Variants in PTPN12 observed in about 807,000 individuals in gnomAD.
The protein encoded by PTPN12 is tyrosine-protein phosphatase non-receptor type 12.
Under a neutral mutation model 97.6 loss-of-function variants are expected in PTPN12, and 29 were observed. The ratio of observed to expected loss-of-function variants is 0.30; its 90% CI spans 0.22 to 0.41. The LOEUF is 0.41. Among genes scored for constraint, PTPN12 ranks in the 10% least tolerant of loss-of-function variants. PTPN12 has a pLI of 1.00. For synonymous variants in PTPN12, 327 were observed against 300.4 expected, an observed-to-expected ratio of 1.09 and a Z score of -0.91; for missense variants, 819 against 926.0, an observed-to-expected ratio of 0.88 and a Z score of 1.50.
intron 7 of PTPN12, among the ~76,000 whole-genome samples, chr7:77,598,251 G>C (rs915023198): frequency 6.6e-6 from 1 of 151,708 alleles, no homozygotes; most frequent in Admixed American, 6.6e-5. Context: ...AGAAGACATA[G>C]AGAGGGAGGG....
At chr7:77,600,554 C>T (rs1788158585) in intron 7 of PTPN12, 110 bp from the exon 8 acceptor site, 5 of 853,490 alleles carry the variant, frequency 5.9e-6, no homozygotes, top group Non-Finnish European at 8.8e-6. Flanking sequence ...TTTTTAAAAG[C>T]AGTGCTAAAT....
At chr7:77,618,686 G>C (rs1186222071) in intron 12 of PTPN12, 121 bp downstream of exon 12, 1 of 699,248 alleles carries the variant, frequency 1.4e-6, no homozygotes, top group Admixed American at 3.1e-5. Flanking sequence ...TATTTTGTTA[G>C]GATGTAACAT....
chr7:77,551,918 C>A (rs1025836632), intron 1 of PTPN12, among the ~76,000 whole-genome samples: 1 of 152,102 alleles, frequency 6.6e-6, no homozygotes, highest in Non-Finnish European at 1.5e-5. Flanking sequence ...TACATATTTT[C>A]CATGAACTTT....
At chr7:77,565,026 G>A (rs1808201763) in intron 1 of PTPN12, among the ~76,000 whole-genome samples, 1 of 152,028 alleles carries the variant, frequency 6.6e-6, no homozygotes, top group African/African-American at 2.4e-5. Context: ...AAAGTGCTGG[G>A]ATTAGAGGCA....
chr7:77,549,037 T>A (rs767433291), intron 1 of PTPN12, among the ~76,000 whole-genome samples: 7 of 152,356 alleles, frequency 4.6e-5, no homozygotes, highest in Non-Finnish European at 1.0e-4. Context: ...CATTCACTTT[T>A]ATCTCAAATT....
chr7:77,563,370 C>T (rs758388851), intron 1 of PTPN12, among the ~76,000 whole-genome samples: 41 of 152,234 alleles, frequency 2.7e-4, no homozygotes, highest in Admixed American at 2.0e-3. Flanking sequence ...TCAGGGAATT[C>T]GTGTTCTATC....
chr7:77,575,614 C>T (rs1326662942), intron 2 of PTPN12, among the ~76,000 whole-genome samples: 2 of 152,184 alleles, frequency 1.3e-5, no homozygotes, highest in Non-Finnish European at 2.9e-5. Flanking sequence ...GTATAATTTA[C>T]ATACCCATGA....
At chr7:77,591,450 T>C (rs1203256582) in intron 5 of PTPN12, among the ~76,000 whole-genome samples, 2 of 152,236 alleles carry the variant, frequency 1.3e-5, no homozygotes, top group East Asian at 1.9e-4. Flanking sequence ...GTGCTTGATA[T>C]TAGAAACTGA....
chr7:77,620,589 TAAC>T (rs1041884385), intron 12 of PTPN12, among the ~76,000 whole-genome samples: 2 of 152,246 alleles, frequency 1.3e-5, no homozygotes, highest in Non-Finnish European at 2.9e-5. Flanking sequence ...ATAAGATTGA[TAAC>T]AAGTAAAATA....
At chr7:77,585,642 A>G (rs17381568) in intron 5 of PTPN12, 61 bp downstream of exon 5, 33,620 of 1,422,766 alleles carry the variant, frequency 0.024, 513 homozygotes, top group Middle Eastern at 0.062. Flanking sequence ...TTAGTCTTTT[A>G]TTATTATAGT....
intron 1 of PTPN12, among the ~76,000 whole-genome samples, chr7:77,543,608 C>T (rs1807086031): frequency 6.6e-6 from 1 of 152,040 alleles, no homozygotes; most frequent in Non-Finnish European, 1.5e-5. Context: ...TGAAGTTATG[C>T]AACAATAACC....
intron 12 of PTPN12, among the ~76,000 whole-genome samples, chr7:77,625,723 C>G (rs1180530653): frequency 1.3e-5 from 2 of 151,274 alleles, no homozygotes; most frequent in Non-Finnish European, 2.9e-5. Flanking sequence ...GTGTGTGCCA[C>G]CACACCTGGC....
At chr7:77,602,613 TATC>T (rs1288529903) in intron 8 of PTPN12, among the ~76,000 whole-genome samples, 2 of 151,076 alleles carry the variant, frequency 1.3e-5, no homozygotes, top group Non-Finnish European at 2.9e-5. Context: ...TAGTAGACCC[TATC>T]TTTTAAAAAA....
At chr7:77,607,160 AAC>A in intron 8 of PTPN12, 73 bp from the exon 9 acceptor site, 1 of 1,174,946 alleles carries the variant, frequency 8.5e-7, no homozygotes, top group Non-Finnish European at 1.2e-6. Flanking sequence ...TCTGAATATT[AAC>A]ATGTCTATCC....
At chr7:77,576,184 C>T (rs751431988) in intron 2 of PTPN12, among the ~76,000 whole-genome samples, 6 of 152,054 alleles carry the variant, frequency 3.9e-5, no homozygotes, top group Admixed American at 2.0e-4. Context: ...GATTCATTCA[C>T]GATGTAGCAT....
chr7:77,601,003 G>A (rs971497077), intron 8 of PTPN12, 197 bp downstream of exon 8: 1 of 515,416 alleles, frequency 1.9e-6, no homozygotes, highest in Non-Finnish European at 3.4e-6. Context: ...TAAAACACAG[G>A]ATCATCTATT....
At chr7:77,574,368 A>C (rs1305767862) in intron 2 of PTPN12, among the ~76,000 whole-genome samples, 3 of 152,166 alleles carry the variant, frequency 2.0e-5, no homozygotes, top group Admixed American at 6.5e-5. Flanking sequence ...TCACAGCAAA[A>C]CTCTGAGGTA....
intron 16 of PTPN12, among the ~76,000 whole-genome samples, chr7:77,638,013 A>T (rs1435905976): frequency 3.6e-5 from 4 of 111,508 alleles, no homozygotes; most frequent in Non-Finnish European, 6.6e-5. Flanking sequence ...GCTGGAGTGC[A>T]GTGGCGCGAT....
chr7:77,544,917 G>A (rs534088846), intron 1 of PTPN12, among the ~76,000 whole-genome samples: 1 of 152,272 alleles, frequency 6.6e-6, no homozygotes, highest in Admixed American at 6.5e-5. Context: ...CATGAGAACT[G>A]CTTCTTCCCC....
Sources: allele counts gnomAD v4.1 joint callset (sites outside exome capture counted in the v4.1 genomes callset), GRCh38; gene constraint gnomAD v4.1.1; transcripts MANE v1.5; gene names NCBI Gene and HGNC (gene_info 2026-07-23, HGNC 2026-07-21).